The following DLG2 variants were observed in gnomAD, a reference collection of about 807,000 sequenced individuals.
The protein encoded by DLG2 is discs large MAGUK scaffold protein 2.
DLG2 carries 45 observed loss-of-function variants against 132.5 expected under a neutral mutation model. That is an observed-to-expected ratio of 0.34 (90% CI 0.27 to 0.44). The LOEUF (loss-of-function observed/expected upper bound fraction) is 0.44, where lower values mean the gene tolerates loss of function less well. Among genes scored for constraint, DLG2 ranks in the 20% least tolerant of loss-of-function variants. DLG2 has a pLI of 1.00. For missense variants in DLG2, 1,045 were observed against 1,196.9 expected, an observed-to-expected ratio of 0.87 and a Z score of 1.87; for synonymous variants, 424 against 419.6, an observed-to-expected ratio of 1.01 and a Z score of -0.13.
chr11:84,407,819 C>T (rs1490104453), intron 7 of DLG2, among the ~76,000 whole-genome samples: 1 of 152,196 alleles, frequency 6.6e-6, no homozygotes, highest in Non-Finnish European at 1.5e-5. Flanking sequence ...AGAGCCCAGG[C>T]TTCCTGTGTC....
At chr11:85,598,304 GA>G (rs1338213733) in intron 3 of DLG2, among the ~76,000 whole-genome samples, 65 of 152,144 alleles carry the variant, frequency 4.3e-4, no homozygotes, top group African/African-American at 1.4e-3. Context: ...TTCCTTCCCT[GA>G]AGGAAGACAA....
intron 8 of DLG2, among the ~76,000 whole-genome samples, chr11:84,220,771 TTTTC>T (rs1200965088): frequency 3.7e-5 from 5 of 135,254 alleles, no homozygotes; most frequent in Non-Finnish European, 7.6e-5. Flanking sequence ...TTTTTTTTCT[TTTTC>T]TTTTCTTTTT....
intron 3 of DLG2, among the ~76,000 whole-genome samples, chr11:85,557,063 C>A (rs1004273080): frequency 2.0e-5 from 3 of 151,752 alleles, no homozygotes; most frequent in African/African-American, 7.2e-5. Flanking sequence ...TACCAAGAAG[C>A]TCCTGGAACT....
At chr11:85,578,447 A>C (rs1200851619) in intron 3 of DLG2, among the ~76,000 whole-genome samples, 2 of 152,198 alleles carry the variant, frequency 1.3e-5, no homozygotes, top group Non-Finnish European at 2.9e-5. Flanking sequence ...CAACAGAGTG[A>C]ACAGACAACC....
At chr11:84,194,655 T>C (rs1366583793) in intron 8 of DLG2, among the ~76,000 whole-genome samples, 2 of 152,196 alleles carry the variant, frequency 1.3e-5, no homozygotes, top group African/African-American at 4.8e-5. Context: ...AGAGTGCTGA[T>C]TGGTGTATTT....
At chr11:83,747,404 T>A (rs2093004549) in intron 18 of DLG2, among the ~76,000 whole-genome samples, 1 of 151,556 alleles carries the variant, frequency 6.6e-6, no homozygotes, top group African/African-American at 2.4e-5. Context: ...AGGGTCTGGC[T>A]CTGTCACTTA....
intron 9 of DLG2, among the ~76,000 whole-genome samples, chr11:84,111,991 CT>C (rs930803851): frequency 4.6e-5 from 7 of 151,068 alleles, no homozygotes; most frequent in East Asian, 1.9e-4. Flanking sequence ...CTGAGAATGA[CT>C]TTTTTTTTAA....
At chr11:85,100,809 T>C (rs2070733143) in intron 6 of DLG2, among the ~76,000 whole-genome samples, 1 of 152,132 alleles carries the variant, frequency 6.6e-6, no homozygotes, top group African/African-American at 2.4e-5. Flanking sequence ...AACTGAAACA[T>C]GCCAGCTACC....
intron 6 of DLG2, among the ~76,000 whole-genome samples, chr11:84,940,363 G>A (rs1025911709): frequency 6.6e-6 from 1 of 152,144 alleles, no homozygotes; most frequent in African/African-American, 2.4e-5. Flanking sequence ...ATTTTGGCCA[G>A]GCTAGTCTTG....
intron 7 of DLG2, among the ~76,000 whole-genome samples, chr11:84,377,970 A>C (rs1425802841): frequency 1.3e-5 from 2 of 152,192 alleles, no homozygotes; most frequent in East Asian, 1.9e-4. Context: ...AGTCAGAATA[A>C]AGATTCCTAC....
intron 6 of DLG2, among the ~76,000 whole-genome samples, chr11:84,566,137 A>G (rs1442886450): frequency 1.3e-5 from 2 of 151,308 alleles, no homozygotes; most frequent in Non-Finnish European, 2.9e-5. Flanking sequence ...TTTTTTTTGT[A>G]TTTTTACTAG....
intron 3 of DLG2, among the ~76,000 whole-genome samples, chr11:85,342,062 T>A (rs554381819): frequency 6.6e-6 from 1 of 152,228 alleles, no homozygotes; most frequent in Non-Finnish European, 1.5e-5. Context: ...AGGACATTAC[T>A]ACACACCACT....
chr11:84,117,702 T>C (rs1001744448), intron 9 of DLG2, among the ~76,000 whole-genome samples: 3 of 152,146 alleles, frequency 2.0e-5, no homozygotes, highest in Non-Finnish European at 4.4e-5. Context: ...ATTGTATTCA[T>C]TGAGAAAAAA....
intron 6 of DLG2, among the ~76,000 whole-genome samples, chr11:85,029,000 A>G (rs946183654): frequency 2.0e-5 from 3 of 152,216 alleles, no homozygotes; most frequent in African/African-American, 7.2e-5. Context: ...GAAAGTATCA[A>G]TATTTATCCT....
intron 6 of DLG2, among the ~76,000 whole-genome samples, chr11:84,764,508 T>C (rs1441414239): frequency 3.9e-5 from 6 of 152,110 alleles, no homozygotes; most frequent in African/African-American, 9.7e-5. Flanking sequence ...AAATGGCTAA[T>C]TGAATCCTCA....
chr11:85,227,594 C>A (rs1225155395), intron 4 of DLG2, among the ~76,000 whole-genome samples: 1 of 152,090 alleles, frequency 6.6e-6, no homozygotes, highest in African/African-American at 2.4e-5. Flanking sequence ...TTGCATAATT[C>A]TTTGTTAACT....
intron 7 of DLG2, among the ~76,000 whole-genome samples, chr11:84,268,524 C>T (rs1292362602): frequency 6.7e-6 from 1 of 148,788 alleles, no homozygotes; most frequent in African/African-American, 2.5e-5. Flanking sequence ...TGCAGTGGCG[C>T]GATCTCGGCT....
chr11:84,961,524 CTTTGTGTG>C (rs1016489989), intron 6 of DLG2, among the ~76,000 whole-genome samples: 6 of 110,718 alleles, frequency 5.4e-5, no homozygotes, highest in African/African-American at 2.4e-4. Flanking sequence ...AGAATTGTAT[CTTTGTGTG>C]TGTGTGTGTG....
intron 16 of DLG2, among the ~76,000 whole-genome samples, chr11:83,857,172 A>G (rs1387167156): frequency 6.6e-6 from 1 of 152,078 alleles, no homozygotes; most frequent in African/African-American, 2.4e-5. Flanking sequence ...ATTCTGTTCC[A>G]TTGGTCTATG....
Sources: allele counts gnomAD v4.1 joint callset (sites outside exome capture counted in the v4.1 genomes callset), GRCh38; gene constraint gnomAD v4.1.1; transcripts MANE v1.5; gene names NCBI Gene and HGNC (gene_info 2026-07-23, HGNC 2026-07-21).